AUTS2: variants seen among roughly 807,000 people sequenced by gnomAD.
AUTS2 encodes activator of transcription and developmental regulator AUTS2, also known as autism susceptibility gene 2 protein.
In AUTS2, 17 loss-of-function variants were observed where a neutral mutation model predicts 112.4. The observed-to-expected ratio is 0.15, with a 90% confidence interval of 0.10 to 0.23. The LOEUF (loss-of-function observed/expected upper bound fraction) is 0.23. Ranked by LOEUF, AUTS2 falls within the 10% of genes least tolerant of loss-of-function variation. The pLI is 1.00. For synonymous variants in AUTS2, 751 were observed against 702.7 expected (o/e 1.07, Z -1.09); for missense variants, 1,510 against 1,701.6 (o/e 0.89, Z 1.98).
At chr7:70,493,359 G>A (rs1798324365) in intron 5 of AUTS2, among the ~76,000 whole-genome samples, 1 of 152,238 alleles carries the variant, frequency 6.6e-6, no homozygotes, top group Admixed American at 6.5e-5. Flanking sequence ...GTACCAAGGA[G>A]CAGCTGGATG....
intron 2 of AUTS2, among the ~76,000 whole-genome samples, chr7:69,926,965 A>ATT (rs1796042106): frequency 6.8e-6 from 1 of 146,916 alleles, no homozygotes; most frequent in Admixed American, 6.8e-5. Context: ...TAACATATAT[A>ATT]TTATATATAT....
At position 69,725,022 on chromosome 7, in the gene AUTS2, C is replaced by T. The variant is rs544218471; in HGVS notation, c.309+125060C>T. Among the ~76,000 whole-genome samples the T allele has an allele frequency of 2.0e-5, 3 of 152,236 alleles. No individual in the cohort carries two copies. In the South Asian group the frequency reaches 6.2e-4, roughly 32 times the overall value. ...CCGAAGTTTTTAATCTTCAGTCCTTCATAGAGAAGAATTTATTAGGTTTGA... is the reference window on the plus strand; with the variant it reads ...CCGAAGTTTTTAATCTTCAGTCCTTTATAGAGAAGAATTTATTAGGTTTGA... On this transcript the variant is annotated intron_variant, in intron 1 of 18. Transcript: ENST00000342771.
intron 1 of AUTS2, among the ~76,000 whole-genome samples, chr7:69,876,351 T>TAC: frequency 2.2e-5 from 1 of 44,710 alleles, no homozygotes. Flanking sequence ...AAAAAAAAAA[T>TAC]ATATATATAT....
chr7:70,728,224 A>G (rs1411028335), intron 6 of AUTS2, among the ~76,000 whole-genome samples: 3 of 152,256 alleles, frequency 2.0e-5, no homozygotes, highest in South Asian at 2.1e-4. Context: ...CTTAATTGCT[A>G]TTACTCTGAG....
At chr7:69,744,362 A>G (rs1787396195) in intron 1 of AUTS2, among the ~76,000 whole-genome samples, 1 of 152,124 alleles carries the variant, frequency 6.6e-6, no homozygotes, top group South Asian at 2.1e-4. Flanking sequence ...ATGTATTTTT[A>G]ACCCCCTTTT....
chr7:69,812,386 G>A (rs1305436431), intron 1 of AUTS2, among the ~76,000 whole-genome samples: 1 of 152,100 alleles, frequency 6.6e-6, no homozygotes, highest in Non-Finnish European at 1.5e-5. Context: ...CAAATACAAG[G>A]GTTCTTCCCA....
rs183794501 is a variant in AUTS2 at position 70,251,735 on chromosome 7, T to G, written c.660+117164T>G. 2.6e-5 allele frequency among the ~76,000 whole-genome samples: 4 copies of G among 152,316 alleles called. No homozygotes were observed. In the East Asian group the frequency reaches 7.7e-4, roughly 29 times the overall value. ...TCTTCACCAGTACCTAATCTATTGT[T>G]AATTCTGATTACTGAGATTTTCAAT... On this transcript the variant is annotated intron_variant, in intron 4 of 18. Coordinates refer to ENST00000342771, the MANE Select transcript of AUTS2 (RefSeq NM_015570.4).
At chr7:70,573,756 T>C (rs948572967) in intron 5 of AUTS2, among the ~76,000 whole-genome samples, 2 of 152,234 alleles carry the variant, frequency 1.3e-5, no homozygotes, top group Middle Eastern at 3.4e-3. Context: ...AGTAGGAAAC[T>C]TAGCTGAGCA....
chr7:69,716,230 T>G (rs926511692), intron 1 of AUTS2, among the ~76,000 whole-genome samples: 5 of 151,290 alleles, frequency 3.3e-5, no homozygotes, highest in Admixed American at 6.6e-5. Context: ...GTGTGTGTGT[T>G]TGTGTGTGTG....
chr7:69,676,806 G>T (rs903912685), intron 1 of AUTS2, among the ~76,000 whole-genome samples: 10 of 123,602 alleles, frequency 8.1e-5, no homozygotes, highest in South Asian at 2.8e-4. Flanking sequence ...TGAAACTCTG[G>T]TTTTTTTCTT....
chr7:69,636,058 C>T (rs1794504407), intron 1 of AUTS2, among the ~76,000 whole-genome samples: 1 of 152,192 alleles, frequency 6.6e-6, no homozygotes, highest in Non-Finnish European at 1.5e-5. Context: ...AAGGGCTCTC[C>T]CTTGGTATGG....
chr7:69,919,569 G>A (rs571917885), intron 2 of AUTS2, among the ~76,000 whole-genome samples: 6 of 152,254 alleles, frequency 3.9e-5, no homozygotes, highest in African/African-American at 1.4e-4. Flanking sequence ...GTATTTTGTT[G>A]GGGAGAGAGA....
At chr7:70,267,769 G>GA (rs1300115041) in intron 4 of AUTS2, among the ~76,000 whole-genome samples, 5 of 152,034 alleles carry the variant, frequency 3.3e-5, no homozygotes, top group African/African-American at 1.2e-4. Flanking sequence ...TTCATTAACT[G>GA]AAAAAAGGAG....
intron 1 of AUTS2, among the ~76,000 whole-genome samples, chr7:69,654,006 T>C (rs1316141125): frequency 6.6e-6 from 1 of 152,164 alleles, no homozygotes; most frequent in African/African-American, 2.4e-5. Flanking sequence ...TAGGGGAAAT[T>C]TATAAAACTT....
chr7:70,038,525 A>AG (rs1801107445), intron 2 of AUTS2, among the ~76,000 whole-genome samples: 1 of 152,138 alleles, frequency 6.6e-6, no homozygotes, highest in Non-Finnish European at 1.5e-5. Flanking sequence ...TTAAAAATAG[A>AG]TTATTTTTAT....
At chr7:69,828,849 A>G (rs1791371126) in intron 1 of AUTS2, among the ~76,000 whole-genome samples, 1 of 152,324 alleles carries the variant, frequency 6.6e-6, no homozygotes, top group Middle Eastern at 3.4e-3. Flanking sequence ...TCTTTCTGTA[A>G]GAATTGACAT....
chr7:70,543,905 C>A (rs932430336), intron 5 of AUTS2, among the ~76,000 whole-genome samples: 3 of 152,124 alleles, frequency 2.0e-5, no homozygotes, highest in Non-Finnish European at 4.4e-5. Flanking sequence ...GAGTCTAGGG[C>A]TTCTTGATTC....
At chr7:70,423,839 T>A (rs1456436000) in intron 4 of AUTS2, among the ~76,000 whole-genome samples, 3 of 152,162 alleles carry the variant, frequency 2.0e-5, no homozygotes, top group Non-Finnish European at 4.4e-5. Context: ...TAGTATTGAG[T>A]CTTTAAACAC....
intron 6 of AUTS2, among the ~76,000 whole-genome samples, chr7:70,734,264 C>T (rs1787643298): frequency 1.3e-5 from 2 of 151,808 alleles, no homozygotes; most frequent in South Asian, 4.2e-4. Flanking sequence ...ACAGTGAAAC[C>T]CCGTCTCTAG....
Sources: gnomAD v4.1 joint callset for allele counts (sites outside exome capture counted in the v4.1 genomes callset) on GRCh38, gnomAD v4.1.1 for gene constraint, MANE v1.5 for transcripts, NCBI Gene and HGNC (gene_info 2026-07-23, HGNC 2026-07-21) for gene names.